The following CACNA1E variants were observed in gnomAD, a reference collection of about 807,000 sequenced individuals.
The protein encoded by CACNA1E is voltage-dependent R-type calcium channel subunit alpha-1E.
In CACNA1E, 40 loss-of-function variants were observed where a neutral mutation model predicts 259.2. The ratio of observed to expected loss-of-function variants is 0.15; its 90% confidence interval spans 0.12 to 0.20. CACNA1E has a LOEUF of 0.20. Among genes scored for constraint, CACNA1E ranks in the 10% least tolerant of loss-of-function variants. The pLI is 1.00. For synonymous variants in CACNA1E, 1,104 were observed against 1,138.5 expected, an observed-to-expected ratio of 0.97 and a Z score of 0.61; for missense variants, 1,874 against 3,040.1, an observed-to-expected ratio of 0.62 and a Z score of 9.02.
At chr1:181,504,158 C>T (rs1572040035) in intron 1 of CACNA1E, among the ~76,000 whole-genome samples, 2 of 152,222 alleles carry the variant, frequency 1.3e-5, no homozygotes, top group Admixed American at 1.3e-4. Flanking sequence ...TTTAGACATC[C>T]AAAAACATGA....
At chr1:181,577,910 T>A (rs971261445) in intron 4 of CACNA1E, 41 bp downstream of exon 4, 23 of 1,318,474 alleles carry the variant, frequency 1.7e-5, no homozygotes, top group Non-Finnish European at 2.5e-5. Context: ...AAGAACTTTC[T>A]TCATGTGTCC....
In CACNA1E at chr1:181,636,519, T is replaced by C. The variant is rs566240524; in HGVS notation, c.952-14819T>C. ...TTCCAGACTAAATAAATCTCCAGGA[T>C]TTTGTCAAGAGAATGGATGGGGGCT... On this transcript the variant is annotated intron_variant, in intron 6 of 47. Coordinates refer to ENST00000367573, the MANE Select transcript of CACNA1E (RefSeq NM_001205293.3). Among the ~76,000 whole-genome samples, 78 of 152,292 alleles carry C rather than the reference T, an allele frequency of 5.1e-4. 1 individual carries two copies. Among genetic ancestry groups the C allele is most frequent in the African/African-American group, 1.9e-3 (77 of 41,574 alleles).
chr1:181,465,114 G>A (rs1662073622), intron 2 of CACNA1E, among the ~76,000 whole-genome samples: 1 of 151,918 alleles, frequency 6.6e-6, no homozygotes, highest in African/African-American at 2.4e-5. Context: ...TTTATTTCGA[G>A]TCATAATTTA....
At position 181,713,061 on chromosome 1, in the gene CACNA1E, C is replaced by G. The variant is rs564594010; in HGVS notation, c.1171+1992C>G. ...AAATGGAGCGCCAGTGAATCAGAGA[C>G]AGATGGGTTACATTTCCCTGGAAAG... On this transcript the variant is annotated intron_variant, in intron 8 of 47. Transcript: ENST00000367573. Among the ~76,000 whole-genome samples, 3 of 152,284 alleles carry G rather than the reference C, an allele frequency of 2.0e-5. No individual in the cohort carries two copies. In the East Asian group the frequency reaches 5.8e-4, roughly 29 times the overall value.
chr1:181,370,369 A>C (rs1228765173), intron 1 of CACNA1E, among the ~76,000 whole-genome samples: 1 of 151,148 alleles, frequency 6.6e-6, no homozygotes, highest in African/African-American at 2.4e-5. Flanking sequence ...TTTGGTGTAC[A>C]AATGATTTCT....
chr1:181,441,420 G>A (rs1407797627), intron 2 of CACNA1E, among the ~76,000 whole-genome samples: 1 of 152,200 alleles, frequency 6.6e-6, no homozygotes, highest in Non-Finnish European at 1.5e-5. Context: ...AAAGTGCTGG[G>A]ATTACAGGCG....
At position 181,733,559 on chromosome 1, in the gene CACNA1E, A is replaced by G. The variant is rs778475127; in HGVS notation, c.3071A>G (p.Gln1024Arg). The change falls in exon 21 of 48, where the codon CAG becomes CGG. Residue 1024 changes from glutamine (Q) to arginine (R), a missense_variant. This residue lies in a region of CACNA1E where 476 missense variants were observed against 514.0 expected (regional missense o/e 0.93). Transcript: ENST00000367573. ...GGGAAGCACGTGGTGCTGACGGAGC[A>G]GGAGCCAGAAGGCAGCAGTGAGCAG... ...EVGKHVVLTEQEPEGSSEQAL... is the reference protein window; with the variant it reads ...EVGKHVVLTEREPEGSSEQAL... 5.0e-6 allele frequency: 8 copies of G among 1,613,062 alleles called. No individual in the cohort carries two copies. The highest frequency in any genetic ancestry group is 5.9e-6 in the Non-Finnish European group (7 of 1,179,466).
At chr1:181,592,308 G>A (rs550487336) in intron 6 of CACNA1E, among the ~76,000 whole-genome samples, 1 of 152,190 alleles carries the variant, frequency 6.6e-6, no homozygotes, top group South Asian at 2.1e-4. Flanking sequence ...TCCACTGATG[G>A]ATTGATTTCA....
chr1:181,608,448 C>G (rs1654432526), intron 6 of CACNA1E, among the ~76,000 whole-genome samples: 1 of 152,118 alleles, frequency 6.6e-6, no homozygotes, highest in Non-Finnish European at 1.5e-5. Flanking sequence ...ATCCTGCAGA[C>G]AAGGGGGGCT....
chr1:181,660,579 C>A (rs1457763690), intron 7 of CACNA1E, among the ~76,000 whole-genome samples: 1 of 152,154 alleles, frequency 6.6e-6, no homozygotes, highest in African/African-American at 2.4e-5. Context: ...ACTATAACTT[C>A]AGTGTTAAAC....
At chr1:181,477,406 A>G (rs553972947) in intron 2 of CACNA1E, among the ~76,000 whole-genome samples, 9 of 152,296 alleles carry the variant, frequency 5.9e-5, no homozygotes, top group African/African-American at 1.9e-4. Flanking sequence ...TTTAGAGGCT[A>G]TGACTGTGTC....
At chr1:181,397,441 C>T (rs1045739136) in intron 1 of CACNA1E, among the ~76,000 whole-genome samples, 1 of 152,178 alleles carries the variant, frequency 6.6e-6, no homozygotes, top group Admixed American at 6.5e-5. Flanking sequence ...GCTGGGATTA[C>T]AGGCATGCGT....
chr1:181,420,510 C>G (rs1658648218), intron 2 of CACNA1E, among the ~76,000 whole-genome samples: 1 of 152,168 alleles, frequency 6.6e-6, no homozygotes, highest in African/African-American at 2.4e-5. Context: ...CATATGATCT[C>G]ATCTGAGCCT....
chr1:181,713,088 C>T (rs989483340), intron 8 of CACNA1E, among the ~76,000 whole-genome samples: 1 of 152,168 alleles, frequency 6.6e-6, no homozygotes, highest in Non-Finnish European at 1.5e-5. Flanking sequence ...CCTGGAAAGA[C>T]ACTCAAGTTC....
intron 7 of CACNA1E, among the ~76,000 whole-genome samples, chr1:181,683,159 G>GGCATCTTAT (rs796286140): frequency 9.2e-4 from 140 of 152,224 alleles, no homozygotes; most frequent in African/African-American, 3.3e-3. Context: ...GTACAGCAAG[G>GGCATCTTAT]GCATCTTATG....
chr1:181,604,098 T>G (rs1172138691), intron 6 of CACNA1E, among the ~76,000 whole-genome samples: 2 of 152,094 alleles, frequency 1.3e-5, no homozygotes, highest in Non-Finnish European at 2.9e-5. Flanking sequence ...GCTGCACCCA[T>G]CCTGACTTGG....
At chr1:181,414,822 C>G (rs982378530) in intron 2 of CACNA1E, among the ~76,000 whole-genome samples, 1 of 152,194 alleles carries the variant, frequency 6.6e-6, no homozygotes, top group Non-Finnish European at 1.5e-5. Flanking sequence ...TAATTTGAAC[C>G]CTGGCAGTCT....
At chr1:181,646,570 A>C (rs1658284502) in intron 6 of CACNA1E, among the ~76,000 whole-genome samples, 1 of 152,164 alleles carries the variant, frequency 6.6e-6, no homozygotes, top group African/African-American at 2.4e-5. Context: ...CTCCCAGGTT[A>C]CAGCTGCTCT....
chr1:181,457,314 T>C (rs1027702781), intron 2 of CACNA1E, among the ~76,000 whole-genome samples: 3 of 152,184 alleles, frequency 2.0e-5, no homozygotes, highest in African/African-American at 7.2e-5. Flanking sequence ...CCTAATACCA[T>C]CCCCGTGGGG....
Sources: gnomAD v4.1 joint callset for allele counts (sites outside exome capture counted in the v4.1 genomes callset) on GRCh38, gnomAD v4.1.1 for gene constraint, gnomAD v4.1.1 regional missense constraint, MANE v1.5 for transcripts, NCBI Gene and HGNC (gene_info 2026-07-23, HGNC 2026-07-21) for gene names.